The following RBFOX1 variants were observed in gnomAD, a reference collection of about 807,000 sequenced individuals.
RBFOX1 encodes the protein RNA binding fox-1 homolog 1.
In RBFOX1, 8 loss-of-function variants were observed where a neutral mutation model predicts 57.7. That is an observed-to-expected ratio of 0.14 (90% CI 0.08 to 0.25). The LOEUF (loss-of-function observed/expected upper bound fraction) is 0.25. Among genes scored for constraint, RBFOX1 ranks in the 10% least tolerant of loss-of-function variants. The pLI, the probability that RBFOX1 is intolerant of heterozygous loss-of-function variation, is 1.00. For missense variants in RBFOX1, 611 were observed against 548.5 expected (o/e 1.11, Z -1.14); for synonymous variants, 326 against 222.4 (o/e 1.47, Z -4.15).
At chr16:5,358,864 C>G (rs546751887) in intron 1 of RBFOX1, among the ~76,000 whole-genome samples, 1 of 152,128 alleles carries the variant, frequency 6.6e-6, no homozygotes, top group Non-Finnish European at 1.5e-5. Flanking sequence ...GTCATATTGA[C>G]TATAGTCACC....
chr16:5,999,982 C>G (rs535320747), intron 4 of RBFOX1, among the ~76,000 whole-genome samples: 2 of 148,264 alleles, frequency 1.3e-5, no homozygotes, highest in South Asian at 4.3e-4. Flanking sequence ...CGGACCACAG[C>G]TTTATAAGGA....
intron 4 of RBFOX1, among the ~76,000 whole-genome samples, chr16:7,194,029 C>T (rs1055642907): frequency 3.3e-5 from 5 of 151,546 alleles, no homozygotes; most frequent in Admixed American, 2.6e-4. Context: ...TGGATTTAGA[C>T]GGGTATACAT....
At chr16:6,491,146 A>G (rs532555459) in intron 2 of RBFOX1, among the ~76,000 whole-genome samples, 8 of 152,090 alleles carry the variant, frequency 5.3e-5, no homozygotes, top group East Asian at 3.9e-4. Flanking sequence ...TATGTAACTT[A>G]TGTATAGACT....
At chr16:6,114,837 C>A (rs1567489687) in intron 1 of RBFOX1, among the ~76,000 whole-genome samples, 1 of 152,172 alleles carries the variant, frequency 6.6e-6, no homozygotes, top group Non-Finnish European at 1.5e-5. Flanking sequence ...CAGCAGTCTT[C>A]TATTGAATGA....
chr16:6,250,955 C>T (rs1459772866), intron 1 of RBFOX1, among the ~76,000 whole-genome samples: 2 of 152,020 alleles, frequency 1.3e-5, no homozygotes, highest in African/African-American at 4.8e-5. Context: ...TTTGTTTTTT[C>T]ACACCCAATT....
chr16:5,431,642 G>A (rs2067738808), intron 1 of RBFOX1, among the ~76,000 whole-genome samples: 1 of 152,132 alleles, frequency 6.6e-6, no homozygotes, highest in South Asian at 2.1e-4. Flanking sequence ...CAAAGTGCTG[G>A]GGTTACAGGT....
Position 6,831,742 on chromosome 16 carries a change from T to A in RBFOX1, c.-16+177092T>A, listed in dbSNP as rs76788152. ...TCTCTTGGGTTTGAGAAGAGCTGGA[T>A]CTTTGGGCAATTATTTATTCCATTT... On this transcript the variant is annotated intron_variant, in intron 3 of 15. Transcript: ENST00000550418. Among the ~76,000 whole-genome samples the A allele has an allele frequency of 8.0e-3, 1,211 of 152,268 alleles. 20 individuals are homozygous for A. Among genetic ancestry groups the A allele is most frequent in the African/African-American group, 0.027 (1,128 of 41,542 alleles).
intron 1 of RBFOX1, among the ~76,000 whole-genome samples, chr16:6,164,513 A>G (rs1410730346): frequency 6.8e-6 from 1 of 146,342 alleles, no homozygotes; most frequent in Non-Finnish European, 1.5e-5. Flanking sequence ...ATTGCCCAGG[A>G]TGGAGTGCAG....
intron 2 of RBFOX1, among the ~76,000 whole-genome samples, chr16:6,348,739 C>T (rs1206637643): frequency 6.6e-6 from 1 of 152,132 alleles, no homozygotes; most frequent in Non-Finnish European, 1.5e-5. Flanking sequence ...TCTCAGGAGA[C>T]AGCACCAAGG....
chr16:5,445,581 T>G (rs1183108121), intron 1 of RBFOX1, among the ~76,000 whole-genome samples: 2 of 152,224 alleles, frequency 1.3e-5, no homozygotes, highest in Non-Finnish European at 2.9e-5. Flanking sequence ...TTTCTTTAGG[T>G]GAGGACAGTC....
chr16:7,402,131 C>T (rs933585187), intron 4 of RBFOX1, among the ~76,000 whole-genome samples: 6 of 151,910 alleles, frequency 3.9e-5, no homozygotes, highest in Non-Finnish European at 7.4e-5. Context: ...TGGATTTTTG[C>T]CAAATTGAAA....
At chr16:7,242,456 T>G (rs1165536585) in intron 4 of RBFOX1, among the ~76,000 whole-genome samples, 2 of 152,208 alleles carry the variant, frequency 1.3e-5, no homozygotes, top group Admixed American at 6.5e-5. Flanking sequence ...ACATCATGAT[T>G]ATTTTTCACC....
intron 2 of RBFOX1, among the ~76,000 whole-genome samples, chr16:5,543,539 C>G (rs1268636653): frequency 6.6e-6 from 1 of 152,140 alleles, no homozygotes; most frequent in Non-Finnish European, 1.5e-5. Flanking sequence ...TTAGTAATCT[C>G]TGGAACAAGT....
In RBFOX1 at chr16:5,672,119, A is replaced by C. The variant is rs566543377; in HGVS notation, c.318+73158A>C. 3.3e-5 allele frequency among the ~76,000 whole-genome samples: 5 copies of C among 152,228 alleles called. No homozygotes were observed. In the South Asian group the frequency reaches 1.0e-3, roughly 32 times the overall value. On this transcript the variant is annotated intron_variant, in intron 3 of 19. Transcript: ENST00000641259. ...GTTTATGTCTCTTGGTATGTTTTAG[A>C]GTCATTCTCTCAGTCTGGGGGCAGG...
At chr16:6,349,660 T>C (rs1260075771) in intron 2 of RBFOX1, among the ~76,000 whole-genome samples, 1 of 152,130 alleles carries the variant, frequency 6.6e-6, no homozygotes, top group East Asian at 1.9e-4. Context: ...CATCTTCATC[T>C]CTAGAGAGCA....
intron 1 of RBFOX1, among the ~76,000 whole-genome samples, chr16:5,246,136 G>T (rs538848519): frequency 2.0e-5 from 3 of 152,274 alleles, no homozygotes; most frequent in African/African-American, 7.2e-5. Context: ...CAGCTACTTG[G>T]GAGGCTGAGG....
intron 4 of RBFOX1, among the ~76,000 whole-genome samples, chr16:7,371,484 T>TTA (rs1272757246): frequency 6.6e-6 from 1 of 152,176 alleles, no homozygotes; most frequent in African/African-American, 2.4e-5. Context: ...GTGCGGTGGC[T>TTA]CACGCCTGTA....
At chr16:6,057,043 T>C (rs957876503) in intron 1 of RBFOX1, 5 of 151,722 alleles carry the variant, frequency 3.3e-5, no homozygotes, top group Admixed American at 1.3e-4. Flanking sequence ...AAGAAAGAGA[T>C]TCACGTATGG....
intron 4 of RBFOX1, among the ~76,000 whole-genome samples, chr16:5,956,917 C>T (rs1435980628): frequency 2.0e-5 from 3 of 151,452 alleles, no homozygotes; most frequent in Non-Finnish European, 4.4e-5. Context: ...AATCCATCTG[C>T]CTTGGCATCC....
Sources: gnomAD v4.1 joint callset for allele counts (sites outside exome capture counted in the v4.1 genomes callset) on GRCh38, gnomAD v4.1.1 for gene constraint, MANE v1.5 for transcripts, NCBI Gene and HGNC (gene_info 2026-07-23, HGNC 2026-07-21) for gene names.